LRPPRC: variants seen among roughly 807,000 people sequenced by gnomAD.
The protein encoded by LRPPRC is leucine-rich PPR motif-containing protein, mitochondrial.
Under a neutral mutation model 180.3 loss-of-function variants are expected in LRPPRC, and 120 were observed. That is an observed-to-expected ratio of 0.67 (90% CI 0.57 to 0.77). The LOEUF is 0.77. LRPPRC is among the 30% of genes least tolerant of loss of function. LRPPRC has a pLI of 0.00. For synonymous variants in LRPPRC, 723 were observed against 600.0 expected (o/e 1.21, Z -3.00); for missense variants, 2,012 against 1,657.2 (o/e 1.21, Z -3.72).
chr2:43,909,368 C>A (rs17424442), intron 30 of LRPPRC, among the ~76,000 whole-genome samples: 11,491 of 147,248 alleles, frequency 0.078, 554 homozygotes, highest in South Asian at 0.14. Flanking sequence ...GTGGATAACA[C>A]AGCTAAAAGA....
intron 1 of LRPPRC, among the ~76,000 whole-genome samples, chr2:43,990,901 A>T (rs1333562167): frequency 1.3e-5 from 2 of 150,626 alleles, no homozygotes; most frequent in South Asian, 4.2e-4. Flanking sequence ...GCTGGAGTGC[A>T]ATGGCGTGAT....
intron 19 of LRPPRC, 104 bp downstream of exon 19, chr2:43,947,627 A>G: frequency 1.3e-6 from 1 of 786,014 alleles, no homozygotes. Context: ...GGTATACAAG[A>G]TGATAAAAAT....
chr2:43,907,711 A>AGGGAAAAAAATTATAG (rs759838779), intron 30 of LRPPRC, among the ~76,000 whole-genome samples: 32 of 152,326 alleles, frequency 2.1e-4, no homozygotes, highest in Middle Eastern at 3.4e-3. Context: ...GTCAAAATGA[A>AGGGAAAAAAATTATAG]GGGAAAAAAA....
At chr2:43,895,825 C>G (rs898045512) in intron 35 of LRPPRC, among the ~76,000 whole-genome samples, 11 of 152,054 alleles carry the variant, frequency 7.2e-5, no homozygotes, top group Non-Finnish European at 1.5e-4. Flanking sequence ...TTCTCGTATA[C>G]AAGAGGTAAA....
chr2:43,984,786 A>G (rs1674454634), intron 1 of LRPPRC, among the ~76,000 whole-genome samples: 1 of 152,194 alleles, frequency 6.6e-6, no homozygotes, highest in East Asian at 1.9e-4. Context: ...CACTGCCTCC[A>G]AATGCTAAGG....
At chr2:43,951,400 A>G (rs1672896451) in intron 14 of LRPPRC, among the ~76,000 whole-genome samples, 1 of 152,224 alleles carries the variant, frequency 6.6e-6, no homozygotes, top group Admixed American at 6.5e-5. Flanking sequence ...AGTTTGCAAG[A>G]AAGTGAGGGG....
intron 5 of LRPPRC, among the ~76,000 whole-genome samples, chr2:43,976,710 A>C (rs1034318377): frequency 1.4e-5 from 2 of 140,162 alleles, no homozygotes; most frequent in African/African-American, 5.3e-5. Flanking sequence ...GGAAATATTT[A>C]AAAAAAAAAA....
rs1312422908 is a variant in LRPPRC, at chr2:43,975,129, C to A, written c.826G>T (p.Ala276Ser). ...GPDTYLALLN[A>S]YAEKGDIDHV... ...TCAATGTCGCCCTTCTCAGCATATG[C>A]ATTCAATAATGCGAGGTATGTGTCT... Residue 276 changes from alanine to serine, a missense_variant, in exon 7 of 38, where the codon GCA becomes TCA. Transcript: ENST00000260665. 6.2e-7 allele frequency: 1 copy of A among 1,613,324 alleles called. No individual in the cohort carries two copies. Among genetic ancestry groups the A allele is most frequent in the Non-Finnish European group, 8.5e-7 (1 of 1,179,598 alleles).
intron 14 of LRPPRC, among the ~76,000 whole-genome samples, chr2:43,957,110 T>A (rs1055120693): frequency 1.3e-5 from 2 of 152,220 alleles, no homozygotes; most frequent in African/African-American, 4.8e-5. Context: ...CAAATTGGTC[T>A]GTAACTCCAA....
At chr2:43,921,270 C>T (rs939946923) in intron 27 of LRPPRC, among the ~76,000 whole-genome samples, 8 of 152,004 alleles carry the variant, frequency 5.3e-5, no homozygotes, top group South Asian at 2.1e-4. Flanking sequence ...CCAGCCTGGG[C>T]GAGATGTGAA....
chr2:43,922,096 T>C (rs1314710070), intron 27 of LRPPRC, among the ~76,000 whole-genome samples: 1 of 152,230 alleles, frequency 6.6e-6, no homozygotes, highest in Non-Finnish European at 1.5e-5. Flanking sequence ...TTATAGGTTC[T>C]AGAAGCTAAT....
At chr2:43,892,558 AC>A (rs1670528930) in intron 36 of LRPPRC, 1 of 152,192 alleles carries the variant, frequency 6.6e-6, no homozygotes, top group Non-Finnish European at 1.5e-5. Context: ...GTGATAATGC[AC>A]CTGGTCACCC....
chr2:43,954,405 T>A (rs541950051), intron 14 of LRPPRC, among the ~76,000 whole-genome samples: 4 of 152,362 alleles, frequency 2.6e-5, no homozygotes, highest in Admixed American at 2.6e-4. Context: ...TAAGATGTCA[T>A]TTGTCATCCA....
In LRPPRC at chr2:43,889,894, AT is replaced by A. The variant is rs1287446915; in HGVS notation, c.3986-19del. 5.7e-6 allele frequency: 9 copies of A among 1,580,708 alleles called. No individual in the cohort carries two copies. Reference sequence around the variant, plus strand: ...CTCTGAGACTGACATAAAGAAAAAAATATATTAATCAGAGATAAAGACAACC... The same window carrying A: ...CTCTGAGACTGACATAAAGAAAAAAAATATTAATCAGAGATAAAGACAACC... On this transcript the variant is annotated intron_variant, in intron 36 of 37. Transcript: ENST00000260665.
chr2:43,928,749 G>C (rs1412581020), intron 25 of LRPPRC, among the ~76,000 whole-genome samples: 1 of 151,784 alleles, frequency 6.6e-6, no homozygotes, highest in Admixed American at 6.6e-5. Flanking sequence ...GCAACACAGT[G>C]TGACCCCATC....
At chr2:43,900,717 A>T (rs1386737438) in intron 32 of LRPPRC, among the ~76,000 whole-genome samples, 1 of 152,184 alleles carries the variant, frequency 6.6e-6, no homozygotes, top group Non-Finnish European at 1.5e-5. Flanking sequence ...ACTAAAGAAC[A>T]TTTTTTCTAA....
At position 43,927,450 on chromosome 2, in the gene LRPPRC, T is replaced by C. The variant is rs187963021; in HGVS notation, c.2737-1489A>G. Reference sequence around the variant, plus strand: ...TGGGATACAAGAAATCAATGATGAATAAATTAGTCATTGAAATACAGTCTC... The same window carrying C: ...TGGGATACAAGAAATCAATGATGAACAAATTAGTCATTGAAATACAGTCTC... On this transcript the variant is annotated intron_variant, in intron 25 of 37. Transcript: ENST00000260665. 1.8e-4 allele frequency among the ~76,000 whole-genome samples: 27 copies of C among 152,364 alleles called. No homozygotes were observed. The East Asian group carries it at 4.0e-3, about 23-fold the overall frequency.
intron 22 of LRPPRC, among the ~76,000 whole-genome samples, chr2:43,944,469 ATGT>A (rs1161970380): frequency 1.3e-5 from 2 of 152,062 alleles, no homozygotes; most frequent in South Asian, 2.1e-4. Flanking sequence ...CATTTTTATA[ATGT>A]TGTTCTTAAT....
intron 35 of LRPPRC, among the ~76,000 whole-genome samples, chr2:43,895,089 T>C (rs1414779860): frequency 6.6e-6 from 1 of 152,224 alleles, no homozygotes; most frequent in East Asian, 1.9e-4. Context: ...ACTTATTTCT[T>C]CCAGGAATAT....
Sources: gnomAD v4.1 joint callset for allele counts (sites outside exome capture counted in the v4.1 genomes callset) on GRCh38, gnomAD v4.1.1 for gene constraint, MANE v1.5 for transcripts, NCBI Gene and HGNC (gene_info 2026-07-23, HGNC 2026-07-21) for gene names.